CFAP263: variants seen among roughly 807,000 people sequenced by gnomAD.
The protein encoded by CFAP263 is cilia and flagella associated protein 263, also known as cilia- and flagella-associated protein 263.
chr16:58,265,767 C>T, the CFAP263 span, among the ~76,000 whole-genome samples: 49 of 152,346 alleles, frequency 3.2e-4, no homozygotes, highest in African/African-American at 1.2e-3. Context: ...CAGTCCTTTA[C>T]AGAAGTGGCC....
At chr16:58,260,010 C>CACCCCA in the CFAP263 span, 1 of 884,298 alleles carries the variant, frequency 1.1e-6, no homozygotes, top group Non-Finnish European at 1.8e-6. Flanking sequence ...TTCCCACCCC[C>CACCCCA]ACCCCAAAAT....
the CFAP263 span, among the ~76,000 whole-genome samples, chr16:58,251,406 G>A: frequency 1.3e-5 from 2 of 152,098 alleles, no homozygotes; most frequent in Non-Finnish European, 2.9e-5. Context: ...TTTTGTTTTT[G>A]ATACGGAATC....
At chr16:58,273,388 T>C in the CFAP263 span, among the ~76,000 whole-genome samples, 1 of 152,134 alleles carries the variant, frequency 6.6e-6, no homozygotes, top group African/African-American at 2.4e-5. Context: ...CTTTTCTCTC[T>C]GCCCCTCAAT....
chr16:58,278,085 T>A, the CFAP263 span, among the ~76,000 whole-genome samples: 2 of 152,074 alleles, frequency 1.3e-5, no homozygotes, highest in African/African-American at 4.8e-5. Flanking sequence ...AAATTTTATG[T>A]TATATATATA....
the CFAP263 span, among the ~76,000 whole-genome samples, chr16:58,266,401 ATATATTTTT>A: frequency 6.2e-4 from 26 of 41,800 alleles, no homozygotes; most frequent in Non-Finnish European, 8.9e-4. Flanking sequence ...ATATATATAT[ATATATTTTT>A]TTTTTTTTTT....
chr16:58,251,062 T>C, the CFAP263 span, among the ~76,000 whole-genome samples: 13 of 152,246 alleles, frequency 8.5e-5, no homozygotes, highest in Non-Finnish European at 1.2e-4. Context: ...AGCAGCTGAA[T>C]AGATGTTACT....
At chr16:58,255,080 G>A in the CFAP263 span, among the ~76,000 whole-genome samples, 1 of 152,132 alleles carries the variant, frequency 6.6e-6, no homozygotes, top group Non-Finnish European at 1.5e-5. Context: ...TCTGCAGGCT[G>A]TGAAAAGAGA....
At chr16:58,272,844 T>A in the CFAP263 span, among the ~76,000 whole-genome samples, 2 of 151,940 alleles carry the variant, frequency 1.3e-5, no homozygotes, top group Non-Finnish European at 2.9e-5. Context: ...ATTTTCTGCC[T>A]CAGTCCTAGA....
At chr16:58,263,674 C>G in the CFAP263 span, among the ~76,000 whole-genome samples, 8 of 152,068 alleles carry the variant, frequency 5.3e-5, no homozygotes, top group Non-Finnish European at 1.0e-4. Flanking sequence ...ATGAAAAAAC[C>G]GGGGGTCAAA....
chr16:58,273,414 C>A, the CFAP263 span, among the ~76,000 whole-genome samples: 1 of 152,128 alleles, frequency 6.6e-6, no homozygotes, highest in East Asian at 1.9e-4. Context: ...TAATCTCTAT[C>A]AATCTACAAG....
chr16:58,267,410 G>A, the CFAP263 span: 2 of 1,045,684 alleles, frequency 1.9e-6, no homozygotes, highest in Admixed American at 1.9e-5. Context: ...TTAACAAAGA[G>A]ATGTCTCCCC....
At chr16:58,280,106 G>T in the CFAP263 span, 1 of 1,032,304 alleles carries the variant, frequency 9.7e-7, no homozygotes, top group Non-Finnish European at 1.4e-6. Context: ...TATGCCATGG[G>T]CTTATCCGTG....
At chr16:58,250,153 C>A in the CFAP263 span, 8 of 1,297,616 alleles carry the variant, frequency 6.2e-6, no homozygotes. Flanking sequence ...CCCTCTTCCT[C>A]CTAGGCCCTC....
chr16:58,278,549 A>G, the CFAP263 span: 1 of 1,614,184 alleles, frequency 6.2e-7, no homozygotes, highest in Admixed American at 1.7e-5. Context: ...CGGGCACCAC[A>G]GGTGATGACT....
chr16:58,260,684 TTTA>T, the CFAP263 span, among the ~76,000 whole-genome samples: 1 of 152,036 alleles, frequency 6.6e-6, no homozygotes, highest in African/African-American at 2.4e-5. Flanking sequence ...GCTCAATATT[TTTA>T]TTATTAACTT....
the CFAP263 span, chr16:58,262,519 G>T: frequency 2.5e-6 from 4 of 1,607,334 alleles, no homozygotes; most frequent in Non-Finnish European, 1.7e-6. Flanking sequence ...GAAACACTCT[G>T]CAGGTTCTCA....
chr16:58,270,104 C>T, the CFAP263 span, among the ~76,000 whole-genome samples: 1 of 152,248 alleles, frequency 6.6e-6, no homozygotes, highest in Middle Eastern at 3.4e-3. Context: ...TTTTCATGTG[C>T]TTATTGGCCA....
At chr16:58,267,393 C>A in the CFAP263 span, 1 of 931,680 alleles carries the variant, frequency 1.1e-6, no homozygotes, top group Non-Finnish European at 1.7e-6. Flanking sequence ...TCCTGCTTTT[C>A]TGTTCGTTAA....
chr16:58,268,786 A>G, the CFAP263 span, among the ~76,000 whole-genome samples: 1 of 152,212 alleles, frequency 6.6e-6, no homozygotes, highest in Non-Finnish European at 1.5e-5. Flanking sequence ...TTGTGTTGAT[A>G]GTTATTAGAT....
Sources: gnomAD v4.1 joint callset for allele counts (sites outside exome capture counted in the v4.1 genomes callset) on GRCh38, gnomAD v4.1.1 for gene constraint, MANE v1.5 for transcripts, NCBI Gene and HGNC (gene_info 2026-07-23, HGNC 2026-07-21) for gene names.